SMG1: variants seen among roughly 807,000 people sequenced by gnomAD.
SMG1 encodes the protein SMG1 nonsense mediated mRNA decay associated PI3K related kinase.
In SMG1, 22 loss-of-function variants were observed where a neutral mutation model predicts 419.9. The ratio of observed to expected loss-of-function variants is 0.05; its 90% confidence interval spans 0.04 to 0.07. The LOEUF (loss-of-function observed/expected upper bound fraction) is 0.07. Among genes scored for constraint, SMG1 ranks in the 10% least tolerant of loss-of-function variants. The pLI is 1.00. For missense variants in SMG1, 3,185 were observed against 4,342.0 expected, an observed-to-expected ratio of 0.73 and a Z score of 7.49; for synonymous variants, 1,538 against 1,553.5, an observed-to-expected ratio of 0.99 and a Z score of 0.23.
chr16:18,914,685 A>T (rs2037905203), intron 1 of SMG1, among the ~76,000 whole-genome samples: 1 of 152,058 alleles, frequency 6.6e-6, no homozygotes, highest in African/African-American at 2.4e-5. Context: ...AAAATAAAGA[A>T]ATCTGTTGAT....
At chr16:18,899,712 A>G (rs1305533868) in intron 1 of SMG1, among the ~76,000 whole-genome samples, 1 of 152,196 alleles carries the variant, frequency 6.6e-6, no homozygotes. Context: ...TTGAACTCCA[A>G]GAAGCAGGCA....
At chr16:18,903,934 C>CTTTTTTTTTTTTTTT (rs71141091) in intron 1 of SMG1, among the ~76,000 whole-genome samples, 2 of 99,876 alleles carry the variant, frequency 2.0e-5, no homozygotes, top group Admixed American at 1.3e-4. Context: ...TATGTCTTGT[C>CTTTTTTTTTTTTTTT]TTTTTTTTTT....
At chr16:18,838,915 T>TA (rs997296239) in intron 42 of SMG1, among the ~76,000 whole-genome samples, 2 of 152,080 alleles carry the variant, frequency 1.3e-5, no homozygotes, top group Non-Finnish European at 2.9e-5. Flanking sequence ...GATGCTGGAT[T>TA]AAAAAAAACA....
rs1340669008 is a variant in SMG1, at chr16:18,892,607, C to T, written c.413-253G>A. ...AACTAGCCAGCCAAGGTGGTGTGCA[C>T]CTGTAGTCCCAGCTACTCGGGAGGC... On this transcript the variant is annotated intron_variant, in intron 3 of 62. Transcript: ENST00000446231. 5.9e-5 allele frequency among the ~76,000 whole-genome samples: 9 copies of T among 152,178 alleles called. No homozygotes were observed. In the East Asian group the frequency reaches 1.5e-3, roughly 26 times the overall value.
In SMG1 at chr16:18,805,748, T is replaced by A. The variant is rs1005518227; in HGVS notation, c.*3821A>T. The A allele has an allele frequency of 6.6e-6, 1 of 152,196 alleles. No individual in the cohort carries two copies. Among genetic ancestry groups the A allele is most frequent in the Admixed American group, 6.5e-5 (1 of 15,276 alleles). The allele number at this position is 152,196 out of a possible 1,614,324, so 9.4% of individuals were successfully genotyped here. ...TTAGTAATTCTACCTCCTTGGCTTA[T>A]GGGGGGAAAAGTCCTAGTTTTAAAT... On this transcript the variant is annotated 3_prime_UTR_variant, in exon 63 of 63. Transcript: ENST00000446231.
chr16:18,895,006 A>G (rs1417939744), intron 3 of SMG1, among the ~76,000 whole-genome samples: 1 of 151,782 alleles, frequency 6.6e-6, no homozygotes, highest in Admixed American at 6.6e-5. Context: ...TTCAGTAGAG[A>G]CAGGGTTTCA....
chr16:18,829,565 A>G lies in SMG1; in HGVS notation c.9324T>C (p.Ser3108=). The G allele has an allele frequency of 6.2e-7, 1 of 1,613,970 alleles. No homozygotes were observed. The highest frequency in any genetic ancestry group is 1.3e-5 in the African/African-American group (1 of 75,046). Residue 3108 remains serine, a synonymous_variant, in exon 54 of 63, where the codon AGT becomes AGC. Coordinates refer to ENST00000446231, the MANE Select transcript of SMG1 (RefSeq NM_015092.5). ...TGTCTACACCCAGAGCACTGATAAA[A>G]CTGCACAGTGTGAGTCCGAGGGCTT... ...PNQALGLTLC[S]FISALGVDII... is the part of the protein sequence containing the mutation.
chr16:18,828,940 G>A (rs1012718212), intron 54 of SMG1, among the ~76,000 whole-genome samples: 7 of 152,010 alleles, frequency 4.6e-5, no homozygotes, highest in African/African-American at 1.7e-4. Context: ...GGAGGTTGCG[G>A]TGAGCCGAGA....
chr16:18,888,734 G>A (rs1029721778), intron 6 of SMG1, among the ~76,000 whole-genome samples: 1 of 151,546 alleles, frequency 6.6e-6, no homozygotes, highest in African/African-American at 2.4e-5. Context: ...CCAAAGTGCT[G>A]GGATTATAGG....
intron 33 of SMG1, 21 bp from the exon 34 acceptor site, chr16:18,850,488 A>C (rs765997933): frequency 2.6e-5 from 40 of 1,537,932 alleles, no homozygotes; most frequent in Non-Finnish European, 3.3e-5. Flanking sequence ...ATTGTGCACA[A>C]AATGCTATTT....
chr16:18,869,615 T>C lies in SMG1; in HGVS notation c.2633+239A>G, dbSNP rs183400953. 2.7e-3 allele frequency among the ~76,000 whole-genome samples: 408 copies of C among 151,292 alleles called. 4 individuals are homozygous for C. The highest frequency in any genetic ancestry group is 9.5e-3 in the African/African-American group (388 of 41,022). Reference sequence around the variant, plus strand: ...CCCATTCCCCAAAGTGTTAATGACATCACATCAGTTAACTGTTAACCACAT... The same window carrying C: ...CCCATTCCCCAAAGTGTTAATGACACCACATCAGTTAACTGTTAACCACAT... On this transcript the variant is annotated intron_variant, in intron 19 of 62. Coordinates refer to ENST00000446231, the MANE Select transcript of SMG1 (RefSeq NM_015092.5).
At chr16:18,875,744 C>G (rs2036094252) in intron 13 of SMG1, 1 of 278,972 alleles carries the variant, frequency 3.6e-6, no homozygotes, top group African/African-American at 2.2e-5. Flanking sequence ...CTTCAGTAGA[C>G]AGAAAGAAAA....
At chr16:18,890,820 A>G (rs1222247562) in intron 5 of SMG1, 43 bp downstream of exon 5, 4 of 1,143,628 alleles carry the variant, frequency 3.5e-6, no homozygotes, top group Admixed American at 1.7e-5. Flanking sequence ...TTCTAAAAAT[A>G]TATTTTAAAG....
chr16:18,854,512 A>G, intron 30 of SMG1, 144 bp downstream of exon 30: 2 of 789,034 alleles, frequency 2.5e-6, no homozygotes, highest in Non-Finnish European at 2.0e-6. Flanking sequence ...GTAATAAGCA[A>G]CTTATTATTC....
At chr16:18,916,452 C>T (rs2037982135) in intron 1 of SMG1, among the ~76,000 whole-genome samples, 1 of 144,468 alleles carries the variant, frequency 6.9e-6, no homozygotes, top group Non-Finnish European at 1.5e-5. Context: ...GGGGGTGGAG[C>T]CTGCAGTGAG....
At chr16:18,875,667 T>G (rs12924496) in intron 13 of SMG1, 50,436 of 163,934 alleles carry the variant, frequency 0.31, 8,619 homozygotes, top group Non-Finnish European at 0.38. Flanking sequence ...ATAAGGAATA[T>G]TCAACCTGTA....
At chr16:18,827,170 C>G (rs1027266279) in intron 55 of SMG1, among the ~76,000 whole-genome samples, 2 of 151,962 alleles carry the variant, frequency 1.3e-5, no homozygotes, top group Non-Finnish European at 2.9e-5. Context: ...CTCAAGCCTG[C>G]AATCCCAGTG....
intron 1 of SMG1, among the ~76,000 whole-genome samples, chr16:18,903,339 T>A (rs889203106): frequency 6.6e-6 from 1 of 152,186 alleles, no homozygotes; most frequent in African/African-American, 2.4e-5. Flanking sequence ...AGAGAAAAGC[T>A]GAAGAAAGTA....
rs1179418325 is a variant in SMG1, at chr16:18,902,038, TG to T, written c.93-5083del. 2.7e-5 allele frequency among the ~76,000 whole-genome samples: 4 copies of T among 150,504 alleles called. No homozygotes were observed. In the East Asian group the frequency reaches 7.8e-4, roughly 29 times the overall value. ...CAGAGTCTAATAATGTGACTTATGG[TG>T]GGGGCTTTGAGTCACATGGATCAGC... is the stretch of plus-strand genomic sequence containing the variant. On this transcript the variant is annotated intron_variant, in intron 1 of 62. Transcript: ENST00000446231.
Sources: allele counts gnomAD v4.1 joint callset (sites outside exome capture counted in the v4.1 genomes callset), GRCh38; gene constraint gnomAD v4.1.1; transcripts MANE v1.5; gene names NCBI Gene and HGNC (gene_info 2026-07-23, HGNC 2026-07-21).